CNTN6: variants seen among roughly 807,000 people sequenced by gnomAD.
CNTN6 encodes contactin 6.
A neutral mutation model predicts 122.8 loss-of-function variants in CNTN6; 137 were observed. The observed-to-expected ratio is 1.12, with a 90% CI of 0.97 to 1.29. The LOEUF (loss-of-function observed/expected upper bound fraction) is 1.29, where lower values mean the gene tolerates loss of function less well. Ranked by LOEUF, CNTN6 falls within the 50% of genes most tolerant of loss-of-function variation. The pLI is 0.00. For missense variants in CNTN6, 1,634 were observed against 1,223.4 expected (o/e 1.34, Z -5.01); for synonymous variants, 570 against 426.0 (o/e 1.34, Z -4.16).
chr3:1,173,716 A>G (rs563026626), intron 2 of CNTN6, among the ~76,000 whole-genome samples: 1 of 152,186 alleles, frequency 6.6e-6, no homozygotes, highest in East Asian at 1.9e-4. Flanking sequence ...AATGACGTGA[A>G]AATTGGATTA....
chr3:1,253,990 T>C (rs1314875025), intron 4 of CNTN6, among the ~76,000 whole-genome samples: 1 of 152,206 alleles, frequency 6.6e-6, no homozygotes, highest in Non-Finnish European at 1.5e-5. Context: ...CATAAATTTA[T>C]ATAAATGGGA....
In CNTN6 at chr3:1,164,487, C is replaced by T. The variant is rs928628324; in HGVS notation, c.55+16424C>T. Among the ~76,000 whole-genome samples the T allele has an allele frequency of 4.6e-5, 7 of 151,528 alleles. No homozygotes were observed. The South Asian group carries it at 1.5e-3, about 32-fold the overall frequency. On this transcript the variant is annotated intron_variant, in intron 2 of 22. Coordinates refer to ENST00000446702, the MANE Select transcript of CNTN6 (RefSeq NM_001289080.2). ...CAGTAGTTTTGCTTTCCTGATTGAA[C>T]CTTAACTAGTATCTGTACAGTTCAA... is the stretch of plus-strand genomic sequence containing the variant.
At chr3:1,218,563 G>A (rs1223295135) in intron 2 of CNTN6, among the ~76,000 whole-genome samples, 1 of 152,074 alleles carries the variant, frequency 6.6e-6, no homozygotes, top group East Asian at 1.9e-4. Flanking sequence ...AGGGGGAAGA[G>A]GACGCTGACA....
At chr3:1,124,993 G>A (rs886759957) in intron 1 of CNTN6, among the ~76,000 whole-genome samples, 11 of 151,858 alleles carry the variant, frequency 7.2e-5, no homozygotes, top group African/African-American at 2.7e-4. Context: ...TCACAAAGTA[G>A]TCATTTTGTT....
intron 1 of CNTN6, among the ~76,000 whole-genome samples, chr3:1,128,656 TAA>T (rs901247442): frequency 6.6e-6 from 1 of 151,990 alleles, no homozygotes; most frequent in Admixed American, 6.6e-5. Flanking sequence ...TTTAGAGAAA[TAA>T]AGTCACTATT....
chr3:1,257,393 T>C (rs17036749), intron 4 of CNTN6, among the ~76,000 whole-genome samples: 25,666 of 152,064 alleles, frequency 0.17, 3,049 homozygotes, highest in African/African-American at 0.34. Flanking sequence ...ATAATGCTTT[T>C]TGTGGCACAT....
At chr3:1,340,855 G>A (rs962108824) in intron 11 of CNTN6, among the ~76,000 whole-genome samples, 19 of 152,226 alleles carry the variant, frequency 1.2e-4, no homozygotes, top group African/African-American at 3.9e-4. Flanking sequence ...GAGTGAAAGG[G>A]TTAATAATCA....
rs778951164 is a variant in CNTN6, at chr3:1,295,729, A to C, written c.583A>C (p.Thr195Pro). Reference protein sequence around the residue: ...KVEPSDVGNYTCFITNKEAQR... With the variant: ...KVEPSDVGNYPCFITNKEAQR... ...GGAACCATCAGATGTGGGCAACTAC[A>C]CTTGCTTTATAACTAACAAAGAGGC... is the stretch of plus-strand genomic sequence containing the variant. Residue 195 changes from threonine to proline, a missense_variant, in exon 6 of 23, where the codon ACT (threonine) becomes CCT (proline). Thr to Pro is a conservative substitution (Grantham distance 38). Transcript: ENST00000446702. The C allele has an allele frequency of 1.9e-6, 3 of 1,614,088 alleles. No individual in the cohort carries two copies. Among genetic ancestry groups the C allele is most frequent in the Admixed American group, 1.7e-5 (1 of 60,012 alleles).
At chr3:1,281,228 T>C (rs1262666780) in intron 5 of CNTN6, among the ~76,000 whole-genome samples, 1 of 152,158 alleles carries the variant, frequency 6.6e-6, no homozygotes, top group Non-Finnish European at 1.5e-5. Flanking sequence ...TTCTCAAATA[T>C]TATTTCTTCT....
At chr3:1,263,805 A>T (rs965802543) in intron 4 of CNTN6, among the ~76,000 whole-genome samples, 5 of 152,138 alleles carry the variant, frequency 3.3e-5, no homozygotes, top group East Asian at 1.9e-4. Context: ...TAAATCAATA[A>T]TCATTGCTGA....
intron 2 of CNTN6, among the ~76,000 whole-genome samples, chr3:1,164,032 T>C (rs2093193163): frequency 6.6e-6 from 1 of 152,198 alleles, no homozygotes; most frequent in African/African-American, 2.4e-5. Flanking sequence ...TATCCAGATC[T>C]GGATTAGAGA....
chr3:1,230,800 C>T (rs1282040494), intron 4 of CNTN6, among the ~76,000 whole-genome samples: 1 of 152,204 alleles, frequency 6.6e-6, no homozygotes, highest in Non-Finnish European at 1.5e-5. Flanking sequence ...GAGTCCTTCT[C>T]AAACACTGAC....
At chr3:1,313,040 T>C (rs1401666288) in intron 7 of CNTN6, among the ~76,000 whole-genome samples, 7 of 152,198 alleles carry the variant, frequency 4.6e-5, no homozygotes, top group African/African-American at 1.7e-4. Flanking sequence ...TCAGTCTCTT[T>C]ACTTCTTTAT....
At chr3:1,151,777 G>A (rs996952423) in intron 2 of CNTN6, among the ~76,000 whole-genome samples, 1 of 152,088 alleles carries the variant, frequency 6.6e-6, no homozygotes, top group Non-Finnish European at 1.5e-5. Flanking sequence ...GACTAATACA[G>A]CTTTAAAAAT....
intron 4 of CNTN6, among the ~76,000 whole-genome samples, chr3:1,261,591 A>C (rs1000017167): frequency 6.6e-6 from 1 of 152,124 alleles, no homozygotes; most frequent in African/African-American, 2.4e-5. Context: ...TTCTCAGAGC[A>C]TTCTCAGGCA....
Position 1,160,344 on chromosome 3 carries a change from G to GTATA in CNTN6, c.55+12302_55+12305dup, listed in dbSNP as rs56703431. On this transcript the variant is annotated intron_variant, in intron 2 of 22. Transcript: ENST00000446702. ...TCTCATCACACAATTTACTTTTACT[G>GTATA]TATATATATATATATATATATATAC... Among the ~76,000 whole-genome samples, 218 of 111,126 alleles carry GTATA rather than the reference G, an allele frequency of 2.0e-3. 13 individuals are homozygous for GTATA. Among genetic ancestry groups the GTATA allele is most frequent in the South Asian group, 0.012 (35 of 3,036 alleles). The allele number at this position is 111,126 out of a possible 152,430, so 72.9% of individuals were successfully genotyped here. A position where few individuals can be genotyped will look rare whatever the true frequency, so the allele number is the denominator to read the frequency against.
At chr3:1,383,641 A>G (rs990322074) in intron 19 of CNTN6, among the ~76,000 whole-genome samples, 9 of 117,382 alleles carry the variant, frequency 7.7e-5, no homozygotes, top group Admixed American at 3.4e-4. Flanking sequence ...CCAGTGGTAA[A>G]AAAACAAAAA....
At chr3:1,093,464 A>G (rs970572449) in intron 1 of CNTN6, among the ~76,000 whole-genome samples, 1 of 151,954 alleles carries the variant, frequency 6.6e-6, no homozygotes, top group Non-Finnish European at 1.5e-5. Context: ...TGGGACTTTC[A>G]GATGGCTACA....
rs1227462052 is a variant in CNTN6, at chr3:1,350,609, ATACTCAGGG to A, written c.1365-1711_1365-1703del. ...ACCTACTGAGCCTGAAAGGGGTAGT[ATACTCAGGG>A]TACCACTGCACACTTGAATTATTCC... On this transcript the variant is annotated intron_variant, in intron 11 of 22. Transcript: ENST00000446702. 2.6e-5 allele frequency among the ~76,000 whole-genome samples: 4 copies of A among 152,006 alleles called. No individual in the cohort carries two copies. In the East Asian group the frequency reaches 5.8e-4, roughly 22 times the overall value.
Sources: allele counts gnomAD v4.1 joint callset (sites outside exome capture counted in the v4.1 genomes callset), GRCh38; gene constraint gnomAD v4.1.1; transcripts MANE v1.5; gene names NCBI Gene and HGNC (gene_info 2026-07-23, HGNC 2026-07-21).